The following UCHL5 variants were observed in gnomAD, a reference collection of about 807,000 sequenced individuals.
UCHL5 encodes ubiquitin carboxyl-terminal hydrolase isozyme L5.
Under a neutral mutation model 53.8 loss-of-function variants are expected in UCHL5, and 34 were observed. The observed-to-expected ratio is 0.63, with a 90% confidence interval of 0.48 to 0.84. The LOEUF (loss-of-function observed/expected upper bound fraction) is 0.84, where lower values mean the gene tolerates loss of function less well. Among genes scored for constraint, UCHL5 ranks in the 40% least tolerant of loss-of-function variants. The probability of loss-of-function intolerance (pLI) is 0.00; values close to 1 mark genes in which losing one functional copy is unlikely to be tolerated. For missense variants in UCHL5, 290 were observed against 385.6 expected (o/e 0.75, Z 2.08); for synonymous variants, 111 against 126.3 (o/e 0.88, Z 0.81).
rs747120010 is a variant in UCHL5, at chr1:193,049,792, G to C, written c.200C>G (p.Ser67Cys). Residue 67 changes from serine to cysteine, a missense_variant, in exon 3 of 11, where the codon TCT becomes TGT. Physicochemically the swap from Ser to Cys is moderately radical, Grantham distance 112. Transcript: ENST00000367454. ...KWQPGEEPAGSVVQDSRLDTI... is the reference protein window; with the variant it reads ...KWQPGEEPAGCVVQDSRLDTI... Reference sequence around the variant, plus strand: ...GTCAAGTCGGGAGTCCTGAACCACAGAGCCTGCTGGTTCTTCTCCTGGCTG... The same window carrying C: ...GTCAAGTCGGGAGTCCTGAACCACACAGCCTGCTGGTTCTTCTCCTGGCTG... The C allele has an allele frequency of 6.2e-7, 1 of 1,613,048 alleles. No individual in the cohort carries two copies. The highest frequency in any genetic ancestry group is 1.1e-5 in the South Asian group (1 of 90,982).
chr1:193,027,153 C>T (rs1200463474), intron 7 of UCHL5, among the ~76,000 whole-genome samples: 2 of 152,130 alleles, frequency 1.3e-5, no homozygotes, highest in African/African-American at 2.4e-5. Context: ...GCAAATTTTG[C>T]TGTATCTTGA....
rs144390300 is a variant in UCHL5 at position 193,059,250 on chromosome 1, T to C, written c.11A>G (p.Asn4Ser). The change falls in exon 1 of 11, where the codon AAT (asparagine) becomes AGT (serine). Residue 4 changes from asparagine (N) to serine (S), a missense_variant. By Grantham distance (46) the Asn-to-Ser change is conservative. Transcript: ENST00000367454. This position sits in a 1 kb window ranked among gnomAD's most constrained non-coding sequence, Gnocchi z 4.9. Reference protein sequence around the residue: MTGNAGEWCLMESD... With the variant: MTGSAGEWCLMESD... ...TTCCATGAGGCACCACTCCCCGGCA[T>C]TGCCCGTCATGGCCCTGGCCACACA... is the stretch of plus-strand genomic sequence containing the variant. 1.9e-5 allele frequency: 31 copies of C among 1,613,992 alleles called. No individual in the cohort carries two copies. The highest frequency in any genetic ancestry group is 2.6e-5 in the Non-Finnish European group (31 of 1,180,016).
At chr1:193,041,397 T>C (rs538580790) in intron 3 of UCHL5, among the ~76,000 whole-genome samples, 1 of 152,274 alleles carries the variant, frequency 6.6e-6, no homozygotes, top group East Asian at 1.9e-4. Context: ...TGATTAGTGA[T>C]CAGGGAGACA....
At chr1:193,019,800 TTC>T (rs1364649795) in intron 10 of UCHL5, 2 of 897,436 alleles carry the variant, frequency 2.2e-6, no homozygotes, top group African/African-American at 3.6e-5. Context: ...ACACAAAAAA[TTC>T]TGTTCACAGA....
Position 193,059,126 on chromosome 1 carries a change from T to G in UCHL5, c.76+59A>C. On this transcript the variant is annotated intron_variant, in intron 1 of 10. Coordinates refer to ENST00000367454, the MANE Select transcript of UCHL5 (RefSeq NM_001199261.3). The surrounding 1 kb of genome is among the most constrained non-coding windows in gnomAD (Gnocchi z 4.9). ...GCGGTGGCCGCAGGGAACCACTCCA[T>G]GCCCAGCTTGGGCCTCCTCCCGTGA... is the stretch of plus-strand genomic sequence containing the variant. 2.0e-6 allele frequency: 3 copies of G among 1,472,308 alleles called. No individual in the cohort carries two copies. The highest frequency in any genetic ancestry group is 2.7e-6 in the Non-Finnish European group (3 of 1,104,996). 91.2% of individuals were successfully genotyped at this position (1,472,308 alleles called of 1,614,324 possible).
At chr1:193,020,501 A>C in intron 10 of UCHL5, 6 of 1,443,526 alleles carry the variant, frequency 4.2e-6, no homozygotes, top group Non-Finnish European at 5.5e-6. Context: ...GTATCCACTG[A>C]TGTTCACTTT....
At chr1:193,036,281 A>G (rs1331613379) in intron 3 of UCHL5, among the ~76,000 whole-genome samples, 5 of 149,406 alleles carry the variant, frequency 3.3e-5, no homozygotes, top group Non-Finnish European at 7.4e-5. Context: ...ACCAAAAGGG[A>G]AAGGGTGGAA....
At chr1:193,059,607 G>A, upstream of UCHL5, 1 of 1,439,694 alleles carries the variant, frequency 6.9e-7, no homozygotes, top group Non-Finnish European at 9.3e-7. The surrounding 1 kb of genome is among the most constrained non-coding windows in gnomAD (Gnocchi z 4.9). Flanking sequence ...AAGAAGAGGG[G>A]CAGGACTCGT....
At chr1:193,032,217 A>C (rs888422974) in intron 3 of UCHL5, among the ~76,000 whole-genome samples, 5 of 152,196 alleles carry the variant, frequency 3.3e-5, no homozygotes, top group African/African-American at 1.2e-4. Context: ...GAATAATATA[A>C]AAATAGCTTA....
At chr1:193,056,634 C>G (rs1171057681) in intron 1 of UCHL5, among the ~76,000 whole-genome samples, 1 of 152,204 alleles carries the variant, frequency 6.6e-6, no homozygotes, top group African/African-American at 2.4e-5. Context: ...ATACTACATT[C>G]TACCAAAATC....
intron 3 of UCHL5, among the ~76,000 whole-genome samples, chr1:193,031,026 G>A (rs1661177899): frequency 6.6e-6 from 1 of 152,164 alleles, no homozygotes; most frequent in Non-Finnish European, 1.5e-5. Context: ...TTAGGAAAAA[G>A]TAGTGATAGA....
At chr1:193,031,837 A>T (rs1277129752) in intron 3 of UCHL5, among the ~76,000 whole-genome samples, 1 of 152,176 alleles carries the variant, frequency 6.6e-6, no homozygotes, top group Non-Finnish European at 1.5e-5. Context: ...CGTCACAAAA[A>T]ATCTATTGCA....
chr1:193,060,070 C>G, upstream of UCHL5: 1 of 1,308,628 alleles, frequency 7.6e-7, no homozygotes, highest in Non-Finnish European at 1.0e-6. Context: ...AGGCCGACGT[C>G]GAGAGGGCCT....
Position 193,029,326 on chromosome 1 carries a change from AAT to A in UCHL5, c.435-19_435-18del, listed in dbSNP as rs760715366. On this transcript the variant is annotated intron_variant, in intron 5 of 10. Transcript: ENST00000367454. ...ATTTGCTGTCTACAGTAAATAAAAA[AAT>A]AGTGAAACTCAAAGAAGCAAAGAAA... 1.9e-6 allele frequency: 3 copies of A among 1,613,006 alleles called. No homozygotes were observed. The East Asian group carries it at 6.7e-5, about 36-fold the overall frequency.
intron 7 of UCHL5, chr1:193,027,795 G>A (rs1466835043): frequency 2.7e-6 from 2 of 748,606 alleles, no homozygotes; most frequent in Non-Finnish European, 4.1e-6. Flanking sequence ...GAGATTTTCT[G>A]AAATAGACTT....
In UCHL5 at chr1:193,020,356, AGT is replaced by A. The variant is rs1557996413; in HGVS notation, c.942+739_942+740del. 8 of 1,548,348 alleles carry A rather than the reference AGT, an allele frequency of 5.2e-6. No homozygotes were observed. In the South Asian group the frequency reaches 9.5e-5, roughly 18 times the overall value. ...TGGTCCAAAATTTTATTTGCCTAGTAGTGTCTTCTCAAAGTGTTTCTCAAACT... is the reference window on the plus strand; with the variant it reads ...TGGTCCAAAATTTTATTTGCCTAGTAGTCTTCTCAAAGTGTTTCTCAAACT... On this transcript the variant is annotated intron_variant, in intron 10 of 10. Transcript: ENST00000367454.
intron 9 of UCHL5, among the ~76,000 whole-genome samples, chr1:193,021,752 T>C (rs549115134): frequency 1.3e-5 from 2 of 152,328 alleles, no homozygotes; most frequent in African/African-American, 4.8e-5. Context: ...TGCCCTTCCA[T>C]AGAAAGTTTC....
At chr1:193,059,929 C>T (rs1163813599), upstream of UCHL5, 10 of 1,366,294 alleles carry the variant, frequency 7.3e-6, no homozygotes, top group Non-Finnish European at 6.9e-6. This position sits in a 1 kb window ranked among gnomAD's most constrained non-coding sequence, Gnocchi z 4.9. Context: ...CCCGCTTCCG[C>T]GCCTGTCCAC....
intron 3 of UCHL5, among the ~76,000 whole-genome samples, chr1:193,031,261 G>A (rs1661268689): frequency 6.6e-6 from 1 of 152,230 alleles, no homozygotes; most frequent in East Asian, 1.9e-4. Context: ...GTTAGGAGAA[G>A]TTAAAATTTA....
Sources: gnomAD v4.1 joint callset for allele counts (sites outside exome capture counted in the v4.1 genomes callset) on GRCh38, gnomAD v4.1.1 for gene constraint, Gnocchi (gnomAD v3.1) non-coding constraint, MANE v1.5 for transcripts, NCBI Gene and HGNC (gene_info 2026-07-23, HGNC 2026-07-21) for gene names.